ANKRD45: variants seen among roughly 807,000 people sequenced by gnomAD.
The protein encoded by ANKRD45 is ankyrin repeat domain-containing protein 45.
Under a neutral mutation model 28.1 loss-of-function variants are expected in ANKRD45, and 21 were observed. The observed-to-expected ratio is 0.75, with a 90% CI of 0.53 to 1.08. The LOEUF is 1.08. Among genes scored for constraint, ANKRD45 ranks in the 50% least tolerant of loss-of-function variants. The probability of loss-of-function intolerance (pLI) is 0.00; values close to 1 mark genes in which losing one functional copy is unlikely to be tolerated. For missense variants in ANKRD45, 261 were observed against 308.7 expected (o/e 0.85, Z 1.16); for synonymous variants, 86 against 103.9 (o/e 0.83, Z 1.05).
chr1:173,633,281 T>C (rs1668274338), intron 3 of ANKRD45, among the ~76,000 whole-genome samples: 1 of 151,496 alleles, frequency 6.6e-6, no homozygotes, highest in African/African-American at 2.4e-5. Flanking sequence ...TGGGATAAAC[T>C]TAACCCAAAA....
rs979077064 is a variant in ANKRD45 at position 173,658,994 on chromosome 1, T to C, written c.328+97A>G. The stretch of plus-strand genomic sequence containing the variant: ...TGTATATACACATATATGTAAAGTA[T>C]AAAACAGGCACATCAAATATATCTA... On this transcript the variant is annotated intron_variant, in intron 2 of 5. Transcript: ENST00000333279. The C allele has an allele frequency of 4.6e-5, 69 of 1,485,352 alleles. 1 individual carries two copies. The East Asian group carries it at 1.2e-3, about 25-fold the overall frequency. 92.0% of individuals were successfully genotyped at this position (1,485,352 alleles called of 1,614,324 possible). A position where few individuals can be genotyped will look rare whatever the true frequency, so the allele number is the denominator to read the frequency against.
intron 1 of ANKRD45, among the ~76,000 whole-genome samples, chr1:173,667,057 T>C (rs1233358499): frequency 6.6e-6 from 1 of 152,194 alleles, no homozygotes; most frequent in Non-Finnish European, 1.5e-5. Context: ...GCAATTTGCA[T>C]TTTAGAAAAC....
At chr1:173,685,149 C>G in the ANKRD45 span, among the ~76,000 whole-genome samples, 2 of 152,120 alleles carry the variant, frequency 1.3e-5, no homozygotes, top group African/African-American at 2.4e-5. Context: ...GGGAGAGTGT[C>G]CAGTAAAGAT....
At chr1:173,668,336 G>A (rs1293653983) in intron 1 of ANKRD45, among the ~76,000 whole-genome samples, 1 of 152,214 alleles carries the variant, frequency 6.6e-6, no homozygotes, top group Non-Finnish European at 1.5e-5. Flanking sequence ...CTGAAGGGAA[G>A]TCACAGCAGG....
At chr1:173,654,973 T>G (rs557470260) in intron 2 of ANKRD45, among the ~76,000 whole-genome samples, 1 of 152,330 alleles carries the variant, frequency 6.6e-6, no homozygotes, top group East Asian at 1.9e-4. Flanking sequence ...TTCTCTACAC[T>G]GTTTATTCTA....
At chr1:173,628,293 G>C (rs1458923740) in intron 3 of ANKRD45, among the ~76,000 whole-genome samples, 2 of 152,010 alleles carry the variant, frequency 1.3e-5, no homozygotes, top group Non-Finnish European at 2.9e-5. Flanking sequence ...TTGGGTACCA[G>C]CTCAGCCACA....
intron 1 of ANKRD45, among the ~76,000 whole-genome samples, chr1:173,660,988 C>T (rs1367630091): frequency 6.6e-6 from 1 of 152,060 alleles, no homozygotes; most frequent in Non-Finnish European, 1.5e-5. Flanking sequence ...GTAAGTAAGA[C>T]ACAGAACAAT....
chr1:173,678,745 A>C, the ANKRD45 span, among the ~76,000 whole-genome samples: 24 of 152,320 alleles, frequency 1.6e-4, no homozygotes, highest in East Asian at 3.7e-3. Flanking sequence ...GTATTCAATT[A>C]GAAAAAGAGG....
chr1:173,656,514 A>G (rs1377815146), intron 2 of ANKRD45, among the ~76,000 whole-genome samples: 1 of 152,188 alleles, frequency 6.6e-6, no homozygotes, highest in Non-Finnish European at 1.5e-5. Flanking sequence ...TGGTAAATGT[A>G]TAACTAGTTA....
At chr1:173,624,226 CTCACA>C (rs1667825298) in intron 5 of ANKRD45, among the ~76,000 whole-genome samples, 1 of 152,110 alleles carries the variant, frequency 6.6e-6, no homozygotes, top group Non-Finnish European at 1.5e-5. Flanking sequence ...AGTGTGGTGG[CTCACA>C]CCTGTAAAGC....
At chr1:173,702,298 A>T in the ANKRD45 span, among the ~76,000 whole-genome samples, 1 of 152,216 alleles carries the variant, frequency 6.6e-6, no homozygotes, top group Non-Finnish European at 1.5e-5. Context: ...AGACAACTAG[A>T]GGTAGAAGTA....
chr1:173,664,270 C>T (rs1669912566), intron 1 of ANKRD45, among the ~76,000 whole-genome samples: 1 of 152,198 alleles, frequency 6.6e-6, no homozygotes, highest in South Asian at 2.1e-4. Context: ...CATCTACTTT[C>T]ACTCTCAAAA....
chr1:173,649,843 T>C (rs958525235), intron 2 of ANKRD45, among the ~76,000 whole-genome samples: 15 of 152,182 alleles, frequency 9.9e-5, no homozygotes, highest in Non-Finnish European at 1.5e-4. Flanking sequence ...ATTTTATTTT[T>C]TTCCAGATGA....
intron 5 of ANKRD45, among the ~76,000 whole-genome samples, chr1:173,620,534 C>T (rs1667653812): frequency 6.6e-6 from 1 of 152,052 alleles, no homozygotes; most frequent in Non-Finnish European, 1.5e-5. Flanking sequence ...AACACCACAA[C>T]TGAAAGAACT....
At chr1:173,656,183 C>T (rs982792253) in intron 2 of ANKRD45, among the ~76,000 whole-genome samples, 12 of 152,210 alleles carry the variant, frequency 7.9e-5, no homozygotes, top group Non-Finnish European at 1.3e-4. Flanking sequence ...CCGTCTTCTG[C>T]GTCGATCATG....
chr1:173,676,046 C>T, the ANKRD45 span, among the ~76,000 whole-genome samples: 1 of 152,320 alleles, frequency 6.6e-6, no homozygotes, highest in East Asian at 1.9e-4. Context: ...TTACCTACCA[C>T]AGGTCAGGAA....
At chr1:173,677,775 T>A in the ANKRD45 span, among the ~76,000 whole-genome samples, 7,272 of 151,104 alleles carry the variant, frequency 0.048, 273 homozygotes, top group African/African-American at 0.1. Context: ...ACCTTAATTT[T>A]AAAAAAAAAC....
chr1:173,610,324 T>C, intron 5 of ANKRD45, 109 bp from the exon 6 acceptor site: 2 of 1,010,394 alleles, frequency 2.0e-6, no homozygotes, highest in African/African-American at 1.6e-5. Flanking sequence ...TGTCCCAGGC[T>C]GAACCAGCTA....
chr1:173,610,029 A>G lies in ANKRD45; in HGVS notation c.*116T>C. On this transcript the variant is annotated 3_prime_UTR_variant, in exon 6 of 6. Coordinates refer to ENST00000333279, the MANE Select transcript of ANKRD45 (RefSeq NM_198493.3). ...AGGTCAAACAAAACAAGGGCGATGTAATGTTGTACTTAAATACTTAAAGAA... is the reference window on the plus strand; with the variant it reads ...AGGTCAAACAAAACAAGGGCGATGTGATGTTGTACTTAAATACTTAAAGAA... 3.8e-6 allele frequency: 4 copies of G among 1,051,420 alleles called. No individual in the cohort carries two copies. In the South Asian group the frequency reaches 4.3e-5, roughly 11 times the overall value. The allele number at this position is 1,051,420 out of a possible 1,614,324, so 65.1% of individuals were successfully genotyped here.
Sources: allele counts gnomAD v4.1 joint callset (sites outside exome capture counted in the v4.1 genomes callset), GRCh38; gene constraint gnomAD v4.1.1; transcripts MANE v1.5; gene names NCBI Gene and HGNC (gene_info 2026-07-23, HGNC 2026-07-21).